The following PARVB variants were observed in gnomAD, a reference collection of about 807,000 sequenced individuals.
PARVB encodes parvin beta.
PARVB carries 46 observed loss-of-function variants against 47.0 expected under a neutral mutation model. That is an observed-to-expected ratio of 0.98 (90% CI 0.77 to 1.25). The LOEUF (loss-of-function observed/expected upper bound fraction) is 1.25, where lower values mean the gene tolerates loss of function less well. Among genes scored for constraint, PARVB ranks in the 50% most tolerant of loss-of-function variants. The pLI is 0.00. For synonymous variants in PARVB, 196 were observed against 196.3 expected (o/e 1.00, Z 0.01); for missense variants, 473 against 471.6 (o/e 1.00, Z -0.03).
At chr22:44,091,454 G>T (rs78419430) in intron 1 of PARVB, among the ~76,000 whole-genome samples, 9,037 of 151,964 alleles carry the variant, frequency 0.059, 303 homozygotes, top group Middle Eastern at 0.11. Flanking sequence ...CCGAAACTCT[G>T]CCATCATTCA....
rs1289499066 is a variant in PARVB, at chr22:44,172,445, G to T, written c.*3767G>T. On this transcript the variant is annotated 3_prime_UTR_variant, in exon 13 of 13. Transcript: ENST00000338758. Reference sequence around the variant, plus strand: ...GCACAAAGGGGTCTCAGGCCTGCAAGGCCCAAGTGGACGCTCGGACAAGGG... The same window carrying T: ...GCACAAAGGGGTCTCAGGCCTGCAATGCCCAAGTGGACGCTCGGACAAGGG... 1.3e-5 allele frequency: 2 copies of T among 157,480 alleles called. No individual in the cohort carries two copies. Among genetic ancestry groups the T allele is most frequent in the Non-Finnish European group, 2.8e-5 (2 of 70,762 alleles). The allele number at this position is 157,480 out of a possible 1,614,324, so 9.8% of individuals were successfully genotyped here.
chr22:44,080,627 A>G (rs988763506), intron 1 of PARVB, among the ~76,000 whole-genome samples: 1 of 152,204 alleles, frequency 6.6e-6, no homozygotes, highest in African/African-American at 2.4e-5. Flanking sequence ...ATGCAAAGTC[A>G]CAGTTTCCTG....
intron 2 of PARVB, among the ~76,000 whole-genome samples, chr22:44,096,168 T>C (rs2052302889): frequency 6.6e-6 from 1 of 152,184 alleles, no homozygotes; most frequent in African/African-American, 2.4e-5. Flanking sequence ...GAGGTTGCAG[T>C]GAGCCGAGGT....
chr22:44,115,249 C>T (rs1428593551), intron 3 of PARVB: 1 of 73,036 alleles, frequency 1.4e-5, no homozygotes, highest in Non-Finnish European at 2.7e-5. Flanking sequence ...CCTACACCAA[C>T]ACAGATACAT....
intron 2 of PARVB, among the ~76,000 whole-genome samples, chr22:44,002,704 T>C (rs1360410461): frequency 6.6e-6 from 1 of 152,170 alleles, no homozygotes; most frequent in Admixed American, 6.5e-5. Flanking sequence ...GTTTTTACAT[T>C]TACACATACA....
chr22:44,007,381 G>T (rs931903599), intron 2 of PARVB, among the ~76,000 whole-genome samples: 7 of 152,302 alleles, frequency 4.6e-5, no homozygotes, highest in African/African-American at 1.7e-4. Flanking sequence ...CACGCTGGAG[G>T]CCAGAGATTC....
intron 2 of PARVB, among the ~76,000 whole-genome samples, chr22:44,016,687 C>CT (rs1603423070): frequency 2.0e-5 from 3 of 152,026 alleles, no homozygotes; most frequent in Non-Finnish European, 4.4e-5. Context: ...CTGGAAGGGT[C>CT]TTTTTTCCCC....
At chr22:44,094,859 T>C (rs550044348) in intron 2 of PARVB, among the ~76,000 whole-genome samples, 1 of 151,704 alleles carries the variant, frequency 6.6e-6, no homozygotes, top group East Asian at 1.9e-4. Context: ...AGGCCTGGCT[T>C]GTTGGAATCG....
At chr22:44,124,223 C>T (rs896985072) in intron 4 of PARVB, among the ~76,000 whole-genome samples, 2 of 152,204 alleles carry the variant, frequency 1.3e-5, no homozygotes, top group African/African-American at 4.8e-5. Flanking sequence ...AAGGGATCAG[C>T]TATTTGCTGA....
At chr22:44,153,801 C>T (rs1382290549) in intron 10 of PARVB, among the ~76,000 whole-genome samples, 2 of 152,134 alleles carry the variant, frequency 1.3e-5, no homozygotes, top group Non-Finnish European at 2.9e-5. Flanking sequence ...TATTTTGTCA[C>T]TTTTAATGGG....
At chr22:44,154,534 G>A (rs867329899) in intron 10 of PARVB, among the ~76,000 whole-genome samples, 1 of 144,898 alleles carries the variant, frequency 6.9e-6, no homozygotes, top group Admixed American at 6.8e-5. Context: ...TAGTCTGGTG[G>A]GTGTGTGTGT....
chr22:44,122,542 GAGAGAGAGAGACACAGAGAC>G lies in PARVB; in HGVS notation c.376+3414_376+3433del, dbSNP rs1569134453. On this transcript the variant is annotated intron_variant, in intron 4 of 12. Transcript: ENST00000338758. ...AGACAGAGAGACAGAGAGAGAGAGA[GAGAGAGAGAGACACAGAGAC>G]AGAGAGAGAGAGAGAGAGAGAGAGA... 6.2e-4 allele frequency among the ~76,000 whole-genome samples: 65 copies of G among 105,614 alleles called. 1 individual carries two copies. Among genetic ancestry groups the G allele is most frequent in the Admixed American group, 8.9e-4 (9 of 10,088 alleles). The allele number at this position is 105,614 out of a possible 152,430, so 69.3% of individuals were successfully genotyped here.
At chr22:44,090,441 C>A (rs1428648279) in intron 1 of PARVB, among the ~76,000 whole-genome samples, 1 of 152,250 alleles carries the variant, frequency 6.6e-6, no homozygotes, top group Non-Finnish European at 1.5e-5. Flanking sequence ...AAATCCCTGG[C>A]CCTGTTTAGT....
At chr22:44,100,771 G>T (rs2052424298) in intron 3 of PARVB, among the ~76,000 whole-genome samples, 1 of 152,144 alleles carries the variant, frequency 6.6e-6, no homozygotes, top group Admixed American at 6.5e-5. Context: ...TGCAGTTTTG[G>T]TTGCTCTGAT....
chr22:44,094,043 C>T (rs200301121), intron 2 of PARVB, 26 bp downstream of exon 2: 8 of 1,416,098 alleles, frequency 5.6e-6, no homozygotes, highest in African/African-American at 4.3e-5. Flanking sequence ...CGCTCCCTGC[C>T]CTGAGACAGT....
At chr22:44,094,600 C>A (rs1161575010) in intron 2 of PARVB, among the ~76,000 whole-genome samples, 2 of 152,044 alleles carry the variant, frequency 1.3e-5, no homozygotes, top group African/African-American at 4.8e-5. Flanking sequence ...AGTGATCCTC[C>A]TGCCTTAGCC....
chr22:44,026,218 A>G, intron 1 of PARVB: 1 of 646,952 alleles, frequency 1.5e-6, no homozygotes, highest in Non-Finnish European at 1.9e-6. Context: ...CCTTGCCTGT[A>G]TGAATTGATG....
At chr22:44,167,058 G>A (rs1230765725) in intron 12 of PARVB, among the ~76,000 whole-genome samples, 1 of 152,152 alleles carries the variant, frequency 6.6e-6, no homozygotes, top group African/African-American at 2.4e-5. Context: ...CCCCCTGCAC[G>A]TGGGCGGGTC....
rs1345453716 is a variant in PARVB at position 44,024,458 on chromosome 22, G to GCGCGCC, written c.112+17_112+22dup. On this transcript the variant is annotated splice_region_variant and intron_variant, in intron 1 of 12. Coordinates refer to ENST00000338758, the MANE Select transcript of PARVB (RefSeq NM_013327.5). Reference sequence around the variant, plus strand: ...AAGCGGAGGGCGCGCGAGGGTGAGTGCGCGCCCGCGCCCGCCGACCCCCGG... The same window carrying GCGCGCC: ...AAGCGGAGGGCGCGCGAGGGTGAGTGCGCGCCCGCGCCCGCGCCCGCCGACCCCCGG... The GCGCGCC allele has an allele frequency of 8.7e-7, 1 of 1,150,138 alleles. No individual in the cohort carries two copies. The highest frequency in any genetic ancestry group is 1.1e-6 in the Non-Finnish European group (1 of 934,260). 71.2% of individuals were successfully genotyped at this position (1,150,138 alleles called of 1,614,324 possible). A position where few individuals can be genotyped will look rare whatever the true frequency, so the allele number is the denominator to read the frequency against.
Sources: allele counts gnomAD v4.1 joint callset (sites outside exome capture counted in the v4.1 genomes callset), GRCh38; gene constraint gnomAD v4.1.1; transcripts MANE v1.5; gene names NCBI Gene and HGNC (gene_info 2026-07-23, HGNC 2026-07-21).